The following SLC7A14 variants were observed in gnomAD, a reference collection of about 807,000 sequenced individuals.
The protein encoded by SLC7A14 is gamma-aminobutyric acid transporter SLC7A14.
A neutral mutation model predicts 60.2 loss-of-function variants in SLC7A14; 37 were observed. The ratio of observed to expected loss-of-function variants is 0.61; its 90% CI spans 0.47 to 0.81. The LOEUF (loss-of-function observed/expected upper bound fraction) is 0.81, where lower values mean the gene tolerates loss of function less well. SLC7A14 is among the 30% of genes least tolerant of loss of function. The pLI, the probability that SLC7A14 is intolerant of heterozygous loss-of-function variation, is 0.00. For missense variants in SLC7A14, 886 were observed against 982.7 expected (o/e 0.90, Z 1.32); for synonymous variants, 399 against 395.8 (o/e 1.01, Z -0.10).
At chr3:170,496,805 C>A (rs2108277798) in intron 4 of SLC7A14, among the ~76,000 whole-genome samples, 1 of 152,330 alleles carries the variant, frequency 6.6e-6, no homozygotes, top group East Asian at 1.9e-4. Context: ...ACCGGCTCCG[C>A]CAGGGCCATG....
chr3:170,533,296 A>G (rs540286552), intron 1 of SLC7A14, among the ~76,000 whole-genome samples: 3 of 152,278 alleles, frequency 2.0e-5, no homozygotes, highest in Admixed American at 2.0e-4. Flanking sequence ...TCTTAATCTC[A>G]GGGTCTGCTC....
intron 5 of SLC7A14, 73 bp downstream of exon 5, chr3:170,486,149 C>T: frequency 6.4e-7 from 1 of 1,567,324 alleles, no homozygotes; most frequent in Non-Finnish European, 8.7e-7. Context: ...GAAAGGACTC[C>T]TTCCTGACAG....
In SLC7A14 at chr3:170,574,286, A is replaced by G. The variant is rs747774595; in HGVS notation, c.-153+11625T>C. On this transcript the variant is annotated intron_variant, in intron 1 of 7. Coordinates refer to ENST00000231706, the MANE Select transcript of SLC7A14 (RefSeq NM_020949.3). ...TCTTTTATCAATGTGATCTTTGTCT[A>G]CAGTAATGAAATGCATCATGGTGAT... is the stretch of plus-strand genomic sequence containing the variant. Among the ~76,000 whole-genome samples, 9 of 152,362 alleles carry G rather than the reference A, an allele frequency of 5.9e-5. No homozygotes were observed. The South Asian group carries it at 1.5e-3, about 25-fold the overall frequency.
intron 4 of SLC7A14, among the ~76,000 whole-genome samples, chr3:170,497,726 A>T (rs1408129230): frequency 1.3e-5 from 2 of 152,226 alleles, no homozygotes; most frequent in Non-Finnish European, 2.9e-5. Flanking sequence ...CAATAAATCC[A>T]CAACATAAGT....
chr3:170,495,812 C>T, intron 4 of SLC7A14: 1 of 1,127,150 alleles, frequency 8.9e-7, no homozygotes, highest in South Asian at 1.2e-5. Flanking sequence ...CCAAGTGGAG[C>T]CTCCTGCAGC....
At chr3:170,508,731 T>G (rs755991521) in intron 2 of SLC7A14, among the ~76,000 whole-genome samples, 1 of 152,250 alleles carries the variant, frequency 6.6e-6, no homozygotes, top group Non-Finnish European at 1.5e-5. Context: ...CTGTTCCGTT[T>G]ATGCAGCCGC....
intron 7 of SLC7A14, among the ~76,000 whole-genome samples, chr3:170,477,594 C>T (rs533436672): frequency 3.3e-5 from 5 of 152,320 alleles, no homozygotes; most frequent in South Asian, 2.1e-4. Context: ...ATGAATCATA[C>T]GGTATCTGTA....
intron 4 of SLC7A14, among the ~76,000 whole-genome samples, chr3:170,493,158 T>C (rs1280647586): frequency 6.6e-6 from 1 of 152,224 alleles, no homozygotes; most frequent in Admixed American, 6.5e-5. Context: ...CCAGCAATGT[T>C]CAAGGGCTGA....
intron 2 of SLC7A14, among the ~76,000 whole-genome samples, chr3:170,503,327 A>C (rs997808261): frequency 3.9e-5 from 6 of 152,196 alleles, no homozygotes; most frequent in African/African-American, 7.2e-5. Context: ...GTGAGTCTAA[A>C]ATTAAGAGGA....
intron 1 of SLC7A14, among the ~76,000 whole-genome samples, chr3:170,542,848 T>C (rs925360111): frequency 6.6e-6 from 1 of 152,202 alleles, no homozygotes. Flanking sequence ...CTTAACGTGG[T>C]TTCTACTACT....
In SLC7A14 at chr3:170,532,392, G is replaced by A. The variant is rs773731969; in HGVS notation, c.-152-5304C>T. Among the ~76,000 whole-genome samples, 5 of 152,164 alleles carry A rather than the reference G, an allele frequency of 3.3e-5. No individual in the cohort carries two copies. Among genetic ancestry groups the A allele is most frequent in the Non-Finnish European group, 7.3e-5 (5 of 68,028 alleles). On this transcript the variant is annotated intron_variant, in intron 1 of 7. Coordinates refer to ENST00000231706, the MANE Select transcript of SLC7A14 (RefSeq NM_020949.3). This position sits in a 1 kb window ranked among gnomAD's most constrained non-coding sequence, Gnocchi z 4.0. ...CACCTCCCTGCTTTTCTTCCTCTGG[G>A]CTGAGCTCCTGGCTCTGGGTTAAGA...
intron 2 of SLC7A14, among the ~76,000 whole-genome samples, chr3:170,525,268 C>T (rs1713457381): frequency 6.6e-6 from 1 of 152,184 alleles, no homozygotes; most frequent in Non-Finnish European, 1.5e-5. Flanking sequence ...TGGGAAGATA[C>T]CGTAGATTGC....
chr3:170,565,181 G>A (rs1714758633), intron 1 of SLC7A14, among the ~76,000 whole-genome samples: 1 of 152,136 alleles, frequency 6.6e-6, no homozygotes, highest in Non-Finnish European at 1.5e-5. Context: ...TCCCTGGCCT[G>A]GCAGGGGTGG....
At chr3:170,521,568 T>G (rs947374909) in intron 2 of SLC7A14, among the ~76,000 whole-genome samples, 1 of 152,130 alleles carries the variant, frequency 6.6e-6, no homozygotes, top group African/African-American at 2.4e-5. Context: ...ATAGGACTTG[T>G]CTCTAGAATA....
Position 170,538,492 on chromosome 3 carries a change from T to A in SLC7A14, c.-152-11404A>T, listed in dbSNP as rs141514049. Among the ~76,000 whole-genome samples, 343 of 152,332 alleles carry A rather than the reference T, an allele frequency of 2.3e-3. 3 individuals are homozygous for A. Among genetic ancestry groups the A allele is most frequent in the African/African-American group, 8.0e-3 (332 of 41,576 alleles). ...TGTCAGGAACTGCCATTTCATGTAA[T>A]ACAACAATAAATGGACCAATAGAAC... On this transcript the variant is annotated intron_variant, in intron 1 of 7. Transcript: ENST00000231706.
intron 1 of SLC7A14, among the ~76,000 whole-genome samples, chr3:170,584,176 A>T (rs545645356): frequency 1.2e-3 from 187 of 152,336 alleles, no homozygotes; most frequent in Non-Finnish European, 2.4e-3. Flanking sequence ...AATTGGCTCA[A>T]TCCTTTCCCC....
intron 2 of SLC7A14, among the ~76,000 whole-genome samples, chr3:170,518,456 CT>C (rs1392470126): frequency 6.6e-6 from 1 of 152,170 alleles, no homozygotes; most frequent in Non-Finnish European, 1.5e-5. Context: ...CCTAAGCTTC[CT>C]TTTGGCCTTT....
chr3:170,574,171 T>A (rs540293489), intron 1 of SLC7A14, among the ~76,000 whole-genome samples: 1 of 152,328 alleles, frequency 6.6e-6, no homozygotes, highest in East Asian at 1.9e-4. Context: ...CAATATAATC[T>A]TTACTGAAAT....
chr3:170,533,569 G>T (rs1713742566), intron 1 of SLC7A14, among the ~76,000 whole-genome samples: 1 of 152,076 alleles, frequency 6.6e-6, no homozygotes, highest in Admixed American at 6.5e-5. Context: ...TGTACTTCTT[G>T]AATAGGCTGC....
Sources: allele counts gnomAD v4.1 joint callset (sites outside exome capture counted in the v4.1 genomes callset), GRCh38; gene constraint gnomAD v4.1.1; non-coding constraint Gnocchi (gnomAD v3.1); transcripts MANE v1.5; gene names NCBI Gene and HGNC (gene_info 2026-07-23, HGNC 2026-07-21).